CECR2: variants seen among roughly 807,000 people sequenced by gnomAD.
CECR2 encodes CECR2 histone acetyl-lysine reader, also known as chromatin remodeling regulator CECR2.
A neutral mutation model predicts 154.5 loss-of-function variants in CECR2; 30 were observed. The observed-to-expected ratio is 0.19, with a 90% confidence interval of 0.15 to 0.26. CECR2 has a LOEUF of 0.26. Ranked by LOEUF, CECR2 falls within the 10% of genes least tolerant of loss-of-function variation. CECR2 has a pLI of 1.00. For synonymous variants in CECR2, 725 were observed against 683.7 expected, an observed-to-expected ratio of 1.06 and a Z score of -0.94; for missense variants, 1,743 against 1,829.3, an observed-to-expected ratio of 0.95 and a Z score of 0.86.
intron 8 of CECR2, among the ~76,000 whole-genome samples, chr22:17,516,868 AC>A (rs1186557439): frequency 6.6e-5 from 10 of 151,836 alleles, no homozygotes; most frequent in Admixed American, 4.6e-4. Flanking sequence ...TGCTGGGATT[AC>A]AGGTGTGAGC....
intron 1 of CECR2, among the ~76,000 whole-genome samples, chr22:17,468,056 G>A (rs995961478): frequency 1.3e-5 from 2 of 152,162 alleles, no homozygotes; most frequent in East Asian, 3.9e-4. Context: ...CCCCTTAAAC[G>A]GGGCTTGTCT....
chr22:17,447,602 A>G (rs993601158), intron 1 of CECR2, among the ~76,000 whole-genome samples: 1 of 151,836 alleles, frequency 6.6e-6, no homozygotes, highest in Non-Finnish European at 1.5e-5. Flanking sequence ...CATAGGAGTA[A>G]TAAATAAAAT....
intron 8 of CECR2, 130 bp from the exon 9 acceptor site, chr22:17,523,988 T>C (rs2056205905): frequency 2.9e-6 from 2 of 695,788 alleles, no homozygotes; most frequent in Admixed American, 2.9e-5. Context: ...GATAACAAAA[T>C]CAGCTTTTCG....
chr22:17,428,826 G>GTGTGTATATA (rs369291932), intron 1 of CECR2, among the ~76,000 whole-genome samples: 8 of 150,594 alleles, frequency 5.3e-5, no homozygotes, highest in African/African-American at 2.0e-4. Flanking sequence ...GTGTGTGTGT[G>GTGTGTATATA]TATATAAAGG....
At chr22:17,481,077 C>T (rs1426521170) in intron 2 of CECR2, among the ~76,000 whole-genome samples, 1 of 124,300 alleles carries the variant, frequency 8.0e-6, no homozygotes, top group African/African-American at 2.7e-5. Flanking sequence ...GGCACGGTGC[C>T]TCACGCCTGT....
chr22:17,443,287 A>T (rs970405518), intron 1 of CECR2, among the ~76,000 whole-genome samples: 22 of 152,186 alleles, frequency 1.4e-4, no homozygotes, highest in African/African-American at 4.6e-4. Context: ...ACAGTCAATA[A>T]TGTTGCTCTG....
At chr22:17,520,789 A>G (rs1307045897) in intron 8 of CECR2, among the ~76,000 whole-genome samples, 1 of 152,110 alleles carries the variant, frequency 6.6e-6, no homozygotes, top group East Asian at 1.9e-4. Context: ...ATAGTATTCC[A>G]TGGTGTATAT....
intron 1 of CECR2, among the ~76,000 whole-genome samples, chr22:17,406,481 C>CCACTG (rs1205113290): frequency 1.2e-4 from 19 of 152,210 alleles, no homozygotes; most frequent in African/African-American, 4.3e-4. Context: ...CGAGATTATA[C>CCACTG]CACTGCACTC....
chr22:17,454,280 CAG>C (rs200399898), intron 1 of CECR2, among the ~76,000 whole-genome samples: 2,853 of 152,018 alleles, frequency 0.019, 75 homozygotes, highest in South Asian at 0.13. Context: ...GCCTGGATGA[CAG>C]AGTGAGACCC....
intron 7 of CECR2, among the ~76,000 whole-genome samples, chr22:17,510,223 T>A (rs1392952786): frequency 6.6e-6 from 1 of 152,224 alleles, no homozygotes; most frequent in African/African-American, 2.4e-5. Flanking sequence ...AAGCTGGCAT[T>A]GTCATTTTTG....
intron 2 of CECR2, among the ~76,000 whole-genome samples, chr22:17,496,083 T>G (rs1210881256): frequency 2.6e-5 from 4 of 151,524 alleles, no homozygotes; most frequent in Non-Finnish European, 5.9e-5. Context: ...GCCATCTAGG[T>G]GTCTTAAATG....
rs1555910503 is a variant in CECR2, at chr22:17,447,033, C to CTTTTTTTTTTTTT, written c.127-30548_127-30536dup. On this transcript the variant is annotated intron_variant, in intron 1 of 18. Coordinates refer to ENST00000262608, the MANE Select transcript of CECR2 (RefSeq NM_001290047.2). ...GAGTGCTGAGTGGTGCGTTTACAAT[C>CTTTTTTTTTTTTT]TTTTTTTTTTTTTTTTTTTGAGACA... Among the ~76,000 whole-genome samples the CTTTTTTTTTTTTT allele has an allele frequency of 7.9e-4, 90 of 114,088 alleles. 2 individuals are homozygous for CTTTTTTTTTTTTT. Among genetic ancestry groups the CTTTTTTTTTTTTT allele is most frequent in the African/African-American group, 1.0e-3 (27 of 26,692 alleles). The allele number at this position is 114,088 out of a possible 152,430, so 74.8% of individuals were successfully genotyped here.
intron 2 of CECR2, among the ~76,000 whole-genome samples, chr22:17,480,622 G>A (rs139179847): frequency 3.7e-4 from 56 of 152,298 alleles, no homozygotes; most frequent in African/African-American, 1.3e-3. Flanking sequence ...CGGTTACTGT[G>A]AATGTACACT....
At chr22:17,411,496 C>T (rs1158151879) in intron 1 of CECR2, among the ~76,000 whole-genome samples, 4 of 152,126 alleles carry the variant, frequency 2.6e-5, no homozygotes, top group Non-Finnish European at 5.9e-5. Context: ...CTGGGTTTCA[C>T]TGAAAGTAAT....
chr22:17,474,911 C>G (rs372463520), intron 1 of CECR2, among the ~76,000 whole-genome samples: 1 of 152,118 alleles, frequency 6.6e-6, no homozygotes, highest in African/African-American at 2.4e-5. Flanking sequence ...AGCAATCCTC[C>G]CATCTCAGCC....
chr22:17,448,953 A>G (rs144648389), intron 1 of CECR2, among the ~76,000 whole-genome samples: 1,926 of 151,858 alleles, frequency 0.013, 33 homozygotes, highest in African/African-American at 0.044. Flanking sequence ...GGTCTGGCTC[A>G]CTGCAGCCTC....
At chr22:17,469,649 A>C (rs544322457) in intron 1 of CECR2, among the ~76,000 whole-genome samples, 306 of 145,624 alleles carry the variant, frequency 2.1e-3, no homozygotes, top group African/African-American at 7.6e-3. Context: ...TTATAATCCT[A>C]CCCAGGCTGT....
At chr22:17,407,041 ACT>A (rs113405370) in intron 1 of CECR2, among the ~76,000 whole-genome samples, 4,913 of 152,232 alleles carry the variant, frequency 0.032, 208 homozygotes, top group East Asian at 0.14. Context: ...AGATTCAGAA[ACT>A]ACCAGTCCTT....
At chr22:17,493,657 A>G (rs1960441760) in intron 2 of CECR2, among the ~76,000 whole-genome samples, 1 of 152,232 alleles carries the variant, frequency 6.6e-6, no homozygotes, top group Non-Finnish European at 1.5e-5. Flanking sequence ...AAAGTGATGT[A>G]ATTTAAACTG....
Sources: allele counts gnomAD v4.1 joint callset (sites outside exome capture counted in the v4.1 genomes callset), GRCh38; gene constraint gnomAD v4.1.1; transcripts MANE v1.5; gene names NCBI Gene and HGNC (gene_info 2026-07-23, HGNC 2026-07-21).